Variants in BMPR1B observed in about 807,000 individuals in gnomAD.
BMPR1B encodes bone morphogenetic protein receptor type-1B.
BMPR1B carries 12 observed loss-of-function variants against 59.1 expected under a neutral mutation model. The observed-to-expected ratio is 0.20, with a 90% CI of 0.13 to 0.33. The LOEUF is 0.33. Among genes scored for constraint, BMPR1B ranks in the 10% least tolerant of loss-of-function variants. The pLI is 1.00. For synonymous variants in BMPR1B, 237 were observed against 207.3 expected, an observed-to-expected ratio of 1.14 and a Z score of -1.23; for missense variants, 550 against 610.9, an observed-to-expected ratio of 0.90 and a Z score of 1.05.
chr4:95,117,381 A>ACAGATG (rs1364503392), intron 6 of BMPR1B, among the ~76,000 whole-genome samples: 1 of 152,170 alleles, frequency 6.6e-6, no homozygotes, highest in Non-Finnish European at 1.5e-5. Flanking sequence ...GTGACTCTAA[A>ACAGATG]CAGATGCAGT....
At chr4:95,139,268 A>G (rs7673298) in intron 10 of BMPR1B, among the ~76,000 whole-genome samples, 1 of 152,122 alleles carries the variant, frequency 6.6e-6, no homozygotes, top group Non-Finnish European at 1.5e-5. Flanking sequence ...CTGATCCTTC[A>G]TCTGGAAGCT....
intron 3 of BMPR1B, among the ~76,000 whole-genome samples, chr4:95,065,822 T>G (rs936707797): frequency 6.6e-6 from 1 of 152,188 alleles, no homozygotes; most frequent in Non-Finnish European, 1.5e-5. Context: ...CGTTGTTTGC[T>G]TTCTTCAATA....
At chr4:95,048,716 G>A (rs1268762347) in intron 3 of BMPR1B, among the ~76,000 whole-genome samples, 3 of 152,062 alleles carry the variant, frequency 2.0e-5, no homozygotes, top group Non-Finnish European at 2.9e-5. Context: ...TAATTAGATT[G>A]GATATTGGAA....
chr4:94,842,167 TA>T (rs1202556383), intron 1 of BMPR1B, among the ~76,000 whole-genome samples: 2 of 152,248 alleles, frequency 1.3e-5, no homozygotes, highest in African/African-American at 4.8e-5. Flanking sequence ...ATTTTAACTT[TA>T]CGTTATATTT....
At chr4:94,810,428 T>C (rs1235425067) in intron 1 of BMPR1B, among the ~76,000 whole-genome samples, 1 of 152,230 alleles carries the variant, frequency 6.6e-6, no homozygotes, top group Non-Finnish European at 1.5e-5. Flanking sequence ...GAGTATATAA[T>C]GATTTTCTGG....
At chr4:95,116,840 T>C (rs1267923120) in intron 6 of BMPR1B, among the ~76,000 whole-genome samples, 3 of 152,242 alleles carry the variant, frequency 2.0e-5, no homozygotes, top group East Asian at 3.9e-4. Context: ...CTATACAAGA[T>C]TGATTAATAA....
intron 2 of BMPR1B, among the ~76,000 whole-genome samples, chr4:94,895,627 AATT>A (rs1411782949): frequency 2.0e-5 from 3 of 151,824 alleles, no homozygotes; most frequent in Admixed American, 6.6e-5. Context: ...ACTTCAAAAT[AATT>A]ATTAAGAAAT....
intron 1 of BMPR1B, among the ~76,000 whole-genome samples, chr4:94,761,273 C>T (rs17022094): frequency 0.012 from 1,756 of 152,170 alleles, 25 homozygotes; most frequent in African/African-American, 0.04. Flanking sequence ...GAGGTAACAC[C>T]GATCTTTAAG....
At chr4:95,032,259 G>A (rs1724922930) in intron 3 of BMPR1B, among the ~76,000 whole-genome samples, 1 of 152,022 alleles carries the variant, frequency 6.6e-6, no homozygotes, top group Non-Finnish European at 1.5e-5. Flanking sequence ...GGGGGAGAGA[G>A]AGAGAGAGTG....
intron 10 of BMPR1B, among the ~76,000 whole-genome samples, chr4:95,147,887 T>C (rs766349193): frequency 2.7e-4 from 41 of 152,208 alleles, no homozygotes; most frequent in Non-Finnish European, 5.3e-4. Flanking sequence ...CTCCAGCTCA[T>C]CGCACTGAAG....
At chr4:94,993,078 A>G (rs901547523) in intron 2 of BMPR1B, among the ~76,000 whole-genome samples, 1 of 152,162 alleles carries the variant, frequency 6.6e-6, no homozygotes, top group South Asian at 2.1e-4. Flanking sequence ...TTTTGTAGAG[A>G]CAAGGTCTTG....
chr4:95,111,181 G>A (rs1401295183), intron 4 of BMPR1B, among the ~76,000 whole-genome samples: 1 of 152,052 alleles, frequency 6.6e-6, no homozygotes, highest in Non-Finnish European at 1.5e-5. Flanking sequence ...TAAATATAAT[G>A]CTTTCAAATT....
intron 12 of BMPR1B, 70 bp from the exon 13 acceptor site, chr4:95,154,477 AC>A: frequency 6.2e-7 from 1 of 1,601,926 alleles, no homozygotes; most frequent in Non-Finnish European, 8.5e-7. Flanking sequence ...TGAACCTAAA[AC>A]TAAAAAGCTA....
At chr4:94,877,852 G>T (rs533928953) in intron 2 of BMPR1B, among the ~76,000 whole-genome samples, 1 of 152,192 alleles carries the variant, frequency 6.6e-6, no homozygotes, top group East Asian at 1.9e-4. Context: ...TTTTATTAGT[G>T]AAAATAATCT....
intron 2 of BMPR1B, among the ~76,000 whole-genome samples, chr4:94,910,989 C>T (rs890311995): frequency 3.3e-5 from 5 of 152,112 alleles, no homozygotes; most frequent in Non-Finnish European, 5.9e-5. Flanking sequence ...AATTGACTCA[C>T]CCAGTACTTA....
At chr4:94,821,251 G>A (rs1724197546) in intron 1 of BMPR1B, among the ~76,000 whole-genome samples, 1 of 152,136 alleles carries the variant, frequency 6.6e-6, no homozygotes, top group Non-Finnish European at 1.5e-5. Flanking sequence ...AAAAGGTGTT[G>A]CAGCCTACTA....
At chr4:94,823,356 C>T (rs952007049) in intron 1 of BMPR1B, among the ~76,000 whole-genome samples, 1 of 152,110 alleles carries the variant, frequency 6.6e-6, no homozygotes, top group Non-Finnish European at 1.5e-5. Context: ...TAGCTTGGTT[C>T]ACTACCATGC....
chr4:94,868,279 C>T (rs1313272517), intron 1 of BMPR1B, among the ~76,000 whole-genome samples: 1 of 151,956 alleles, frequency 6.6e-6, no homozygotes, highest in Non-Finnish European at 1.5e-5. Flanking sequence ...AGTGATTCTC[C>T]TGCCTCAGCC....
chr4:94,834,684 G>A (rs1008125282), intron 1 of BMPR1B, among the ~76,000 whole-genome samples: 2 of 151,292 alleles, frequency 1.3e-5, no homozygotes, highest in African/African-American at 4.9e-5. Flanking sequence ...CCAATAAAAC[G>A]GTTCACCAGG....
Sources: allele counts gnomAD v4.1 joint callset (sites outside exome capture counted in the v4.1 genomes callset), GRCh38; gene constraint gnomAD v4.1.1; transcripts MANE v1.5; gene names NCBI Gene and HGNC (gene_info 2026-07-23, HGNC 2026-07-21).